The following TBX15 variants were observed in gnomAD, a reference collection of about 807,000 sequenced individuals.
TBX15 encodes the protein T-box transcription factor TBX15.
A neutral mutation model predicts 53.9 loss-of-function variants in TBX15; 18 were observed. The observed-to-expected ratio is 0.33, with a 90% CI of 0.23 to 0.49. TBX15 has a LOEUF of 0.49. Among genes scored for constraint, TBX15 ranks in the 20% least tolerant of loss-of-function variants. The probability of loss-of-function intolerance (pLI) is 0.98; values close to 1 mark genes in which losing one functional copy is unlikely to be tolerated. For missense variants in TBX15, 692 were observed against 749.5 expected (o/e 0.92, Z 0.90); for synonymous variants, 295 against 278.0 (o/e 1.06, Z -0.61).
intron 6 of TBX15, among the ~76,000 whole-genome samples, chr1:118,901,776 G>T (rs1160476811): frequency 1.3e-5 from 2 of 152,040 alleles, no homozygotes; most frequent in South Asian, 2.1e-4. Flanking sequence ...TCACCCTCTG[G>T]TTCCATTACC....
At chr1:118,920,391 A>G (rs542258736) in intron 5 of TBX15, among the ~76,000 whole-genome samples, 1 of 152,336 alleles carries the variant, frequency 6.6e-6, no homozygotes, top group Admixed American at 6.5e-5. Flanking sequence ...AAATAAAAAC[A>G]AAAGGGAAGG....
intron 6 of TBX15, among the ~76,000 whole-genome samples, chr1:118,906,511 G>A (rs1257758862): frequency 1.3e-5 from 2 of 152,126 alleles, no homozygotes; most frequent in Non-Finnish European, 2.9e-5. Context: ...AGAAGGGGCT[G>A]GCCCTCCAAC....
At chr1:118,932,355 A>G (rs1655822680) in intron 1 of TBX15, among the ~76,000 whole-genome samples, 1 of 152,200 alleles carries the variant, frequency 6.6e-6, no homozygotes, top group South Asian at 2.1e-4. Flanking sequence ...TACATAAGCC[A>G]TGGCCATCAA....
chr1:118,920,735 C>G (rs1655398647), intron 5 of TBX15, among the ~76,000 whole-genome samples: 1 of 152,058 alleles, frequency 6.6e-6, no homozygotes, highest in Non-Finnish European at 1.5e-5. Flanking sequence ...ATCATAAGAA[C>G]CCAAGGTTGG....
chr1:118,921,490 T>C (rs973430330), intron 5 of TBX15, among the ~76,000 whole-genome samples: 3 of 152,200 alleles, frequency 2.0e-5, no homozygotes, highest in African/African-American at 7.2e-5. Flanking sequence ...TCAGGGACCT[T>C]GTAAAGCACA....
At chr1:118,897,084 A>G (rs999429984) in intron 7 of TBX15, among the ~76,000 whole-genome samples, 13 of 152,328 alleles carry the variant, frequency 8.5e-5, no homozygotes, top group East Asian at 5.8e-4. Flanking sequence ...CAAAATGTCA[A>G]TAATAACCCT....
chr1:118,974,023 A>G (rs1657338410), intron 1 of TBX15, among the ~76,000 whole-genome samples: 1 of 152,230 alleles, frequency 6.6e-6, no homozygotes, highest in Non-Finnish European at 1.5e-5. Context: ...TGAACACTGC[A>G]GGGAAAATGA....
At chr1:118,975,271 A>G (rs1402643418) in intron 1 of TBX15, among the ~76,000 whole-genome samples, 8 of 152,198 alleles carry the variant, frequency 5.3e-5, no homozygotes, top group African/African-American at 2.4e-5. Flanking sequence ...AAACAACCCT[A>G]TATCACTGCC....
intron 1 of TBX15, among the ~76,000 whole-genome samples, chr1:118,966,172 G>T (rs1046051611): frequency 6.6e-6 from 1 of 152,212 alleles, no homozygotes; most frequent in African/African-American, 2.4e-5. Flanking sequence ...GCACAGAGGT[G>T]CACCTGGCAC....
intron 5 of TBX15, among the ~76,000 whole-genome samples, chr1:118,919,517 A>T (rs528423182): frequency 6.3e-4 from 96 of 152,310 alleles, no homozygotes; most frequent in African/African-American, 2.1e-3. Flanking sequence ...GGAATGGAAA[A>T]TGGGGAAAGA....
At chr1:118,926,664 A>C (rs760625070) in intron 2 of TBX15, 53 bp from the exon 3 acceptor site, 4 of 1,467,256 alleles carry the variant, frequency 2.7e-6, no homozygotes, top group Admixed American at 1.7e-5. Context: ...GAGAAGTAGC[A>C]GGGGTAAAAG....
At chr1:118,905,597 G>C (rs1654790427) in intron 6 of TBX15, among the ~76,000 whole-genome samples, 1 of 152,230 alleles carries the variant, frequency 6.6e-6, no homozygotes, top group East Asian at 1.9e-4. Context: ...AGATGCAGTA[G>C]TGCCTGCTGG....
intron 7 of TBX15, among the ~76,000 whole-genome samples, chr1:118,892,918 A>T (rs568796486): frequency 4.6e-5 from 7 of 152,200 alleles, no homozygotes; most frequent in African/African-American, 1.7e-4. Flanking sequence ...TTCCCAACTT[A>T]CTATGTTGTT....
intron 6 of TBX15, among the ~76,000 whole-genome samples, chr1:118,913,675 G>A (rs1479331283): frequency 6.6e-6 from 1 of 152,044 alleles, no homozygotes; most frequent in Non-Finnish European, 1.5e-5. Context: ...GAGAAAAACA[G>A]TTACATTTTT....
chr1:118,962,390 T>C (rs1280568187), intron 1 of TBX15, among the ~76,000 whole-genome samples: 1 of 152,016 alleles, frequency 6.6e-6, no homozygotes, highest in African/African-American at 2.4e-5. Flanking sequence ...ATGATAAGGG[T>C]AACTATCATC....
chr1:118,959,081 C>T (rs1483856738), intron 1 of TBX15, among the ~76,000 whole-genome samples: 1 of 143,754 alleles, frequency 7.0e-6, no homozygotes, highest in Admixed American at 7.3e-5. Context: ...TAAACATATA[C>T]TCTGGTAACA....
At chr1:118,944,540 T>G (rs965076131) in intron 1 of TBX15, among the ~76,000 whole-genome samples, 2 of 152,158 alleles carry the variant, frequency 1.3e-5, no homozygotes, top group African/African-American at 4.8e-5. Flanking sequence ...TGTCAGCAAT[T>G]CAGAAACTGA....
At chr1:118,974,817 G>C (rs568761112) in intron 1 of TBX15, among the ~76,000 whole-genome samples, 1 of 152,138 alleles carries the variant, frequency 6.6e-6, no homozygotes, top group East Asian at 1.9e-4. Context: ...ACTTGCCGTG[G>C]GTCCTCAAGG....
chr1:118,920,883 G>T (rs1170880709), intron 5 of TBX15, among the ~76,000 whole-genome samples: 2 of 152,168 alleles, frequency 1.3e-5, no homozygotes, highest in African/African-American at 4.8e-5. Context: ...CAAAATGGAA[G>T]TTAGCAGAAA....
Sources: gnomAD v4.1 joint callset for allele counts (sites outside exome capture counted in the v4.1 genomes callset) on GRCh38, gnomAD v4.1.1 for gene constraint, MANE v1.5 for transcripts, NCBI Gene and HGNC (gene_info 2026-07-23, HGNC 2026-07-21) for gene names.